CORO2B: variants seen among roughly 807,000 people sequenced by gnomAD.
CORO2B encodes the protein coronin 2B, also known as coronin-2B.
A neutral mutation model predicts 58.8 loss-of-function variants in CORO2B; 26 were observed. The observed-to-expected ratio is 0.44, with a 90% confidence interval of 0.32 to 0.61. The LOEUF is 0.61. CORO2B is among the 20% of genes least tolerant of loss of function. The pLI, the probability that CORO2B is intolerant of heterozygous loss-of-function variation, is 0.04. For synonymous variants in CORO2B, 242 were observed against 253.8 expected, an observed-to-expected ratio of 0.95 and a Z score of 0.44; for missense variants, 460 against 645.1, an observed-to-expected ratio of 0.71 and a Z score of 3.11.
At chr15:68,605,030 C>T (rs1360318844) in intron 1 of CORO2B, among the ~76,000 whole-genome samples, 1 of 151,814 alleles carries the variant, frequency 6.6e-6, no homozygotes, top group African/African-American at 2.4e-5. Context: ...AGGAGAATCG[C>T]TTGAACCTGG....
intron 1 of CORO2B, among the ~76,000 whole-genome samples, chr15:68,592,981 C>T (rs1899741870): frequency 6.6e-6 from 1 of 152,202 alleles, no homozygotes; most frequent in Non-Finnish European, 1.5e-5. Flanking sequence ...GCTCATGGTT[C>T]TAGAGACTAA....
At chr15:68,529,096 A>C in the CORO2B span, among the ~76,000 whole-genome samples, 1 of 152,184 alleles carries the variant, frequency 6.6e-6, no homozygotes, top group Non-Finnish European at 1.5e-5. Context: ...GGACAAACAA[A>C]GGGAGCGAAG....
the CORO2B span, among the ~76,000 whole-genome samples, chr15:68,572,951 G>C: frequency 6.6e-6 from 1 of 152,088 alleles, no homozygotes; most frequent in African/African-American, 2.4e-5. Context: ...CTTCTCCCTG[G>C]TTCATTTCCA....
chr15:68,676,784 T>G (rs1300704758), intron 2 of CORO2B, among the ~76,000 whole-genome samples: 1 of 152,104 alleles, frequency 6.6e-6, no homozygotes, highest in African/African-American at 2.4e-5. Context: ...GATTATTTTT[T>G]TTTTTAAGAC....
At chr15:68,529,517 T>C in the CORO2B span, among the ~76,000 whole-genome samples, 1 of 152,240 alleles carries the variant, frequency 6.6e-6, no homozygotes, top group Non-Finnish European at 1.5e-5. Flanking sequence ...TGACATAAAG[T>C]CATTCATTAT....
chr15:68,702,986 C>A (rs965591311), intron 3 of CORO2B, among the ~76,000 whole-genome samples: 14 of 151,396 alleles, frequency 9.2e-5, no homozygotes, highest in African/African-American at 3.4e-4. Context: ...GCCACCACTC[C>A]CAGCTAATTT....
chr15:68,657,050 C>A (rs1901831371), intron 2 of CORO2B, among the ~76,000 whole-genome samples: 1 of 152,140 alleles, frequency 6.6e-6, no homozygotes, highest in Non-Finnish European at 1.5e-5. Flanking sequence ...AGATGGAGTA[C>A]AAAAGTTTGC....
At chr15:68,553,844 G>A in the CORO2B span, among the ~76,000 whole-genome samples, 6 of 152,240 alleles carry the variant, frequency 3.9e-5, no homozygotes, top group South Asian at 2.1e-4. Context: ...GGCCCAGACC[G>A]TGCAGGGCCT....
intron 1 of CORO2B, among the ~76,000 whole-genome samples, chr15:68,643,374 C>T (rs1396698942): frequency 1.3e-5 from 2 of 152,202 alleles, no homozygotes; most frequent in Non-Finnish European, 2.9e-5. Flanking sequence ...ACACAGTCAG[C>T]CTGGGGAGGG....
intron 1 of CORO2B, among the ~76,000 whole-genome samples, chr15:68,587,049 T>TACAC (rs58729813): frequency 0.14 from 8,127 of 57,262 alleles, 323 homozygotes; most frequent in East Asian, 0.29. Flanking sequence ...GAGATATGTA[T>TACAC]ACACACACAC....
the CORO2B span, among the ~76,000 whole-genome samples, chr15:68,560,471 A>AT: frequency 4.0e-3 from 605 of 151,388 alleles, 3 homozygotes; most frequent in African/African-American, 0.013. Flanking sequence ...ATTAAAGACA[A>AT]TTTTTTTTGT....
At chr15:68,642,168 C>T (rs1191124779) in intron 1 of CORO2B, among the ~76,000 whole-genome samples, 1 of 151,898 alleles carries the variant, frequency 6.6e-6, no homozygotes, top group African/African-American at 2.4e-5. Flanking sequence ...TCCCGACCAG[C>T]TGGGATTACA....
At chr15:68,604,887 G>A (rs950839445) in intron 1 of CORO2B, among the ~76,000 whole-genome samples, 26 of 152,240 alleles carry the variant, frequency 1.7e-4, no homozygotes, top group Non-Finnish European at 2.4e-4. Flanking sequence ...AGGCCAAGGC[G>A]GGCTGATCAC....
the CORO2B span, among the ~76,000 whole-genome samples, chr15:68,543,756 A>G: frequency 6.6e-6 from 1 of 152,012 alleles, no homozygotes; most frequent in East Asian, 1.9e-4. Flanking sequence ...ACACAGCTGC[A>G]GACGTCTCCC....
chr15:68,588,570 A>G (rs961847202), intron 1 of CORO2B, among the ~76,000 whole-genome samples: 1 of 152,144 alleles, frequency 6.6e-6, no homozygotes, highest in Non-Finnish European at 1.5e-5. Flanking sequence ...GGGCAGAAAG[A>G]CCAGGTTCCC....
chr15:68,664,451 T>C (rs1902122954), intron 2 of CORO2B, among the ~76,000 whole-genome samples: 1 of 152,060 alleles, frequency 6.6e-6, no homozygotes. Context: ...ATCGAGCCCA[T>C]CCTGGCTAAC....
At chr15:68,668,416 A>G (rs1902267753) in intron 2 of CORO2B, among the ~76,000 whole-genome samples, 1 of 95,114 alleles carries the variant, frequency 1.1e-5, no homozygotes, top group African/African-American at 3.4e-5. Context: ...TTAAGATTAC[A>G]TCAGACAGTG....
chr15:68,690,327 T>G (rs894201053), intron 2 of CORO2B, among the ~76,000 whole-genome samples: 4 of 152,204 alleles, frequency 2.6e-5, no homozygotes, highest in Non-Finnish European at 2.9e-5. Flanking sequence ...GTGACACCCC[T>G]GCATTTCCTA....
At chr15:68,647,031 A>G (rs1163630362) in intron 2 of CORO2B, among the ~76,000 whole-genome samples, 3 of 152,202 alleles carry the variant, frequency 2.0e-5, no homozygotes, top group African/African-American at 7.2e-5. Context: ...GCACCCTGCC[A>G]TGCTCCACTT....
Sources: allele counts gnomAD v4.1 joint callset (sites outside exome capture counted in the v4.1 genomes callset), GRCh38; gene constraint gnomAD v4.1.1; transcripts MANE v1.5; gene names NCBI Gene and HGNC (gene_info 2026-07-23, HGNC 2026-07-21).